The following HYKK variants were observed in gnomAD, a reference collection of about 807,000 sequenced individuals.
The protein encoded by HYKK is hydroxylysine kinase, also known as 5-hydroxy-L-lysine kinase.
Under a neutral mutation model 29.7 loss-of-function variants are expected in HYKK, and 19 were observed. The ratio of observed to expected loss-of-function variants is 0.64; its 90% CI spans 0.45 to 0.94. The LOEUF (loss-of-function observed/expected upper bound fraction) is 0.94. Among genes scored for constraint, HYKK ranks in the 40% least tolerant of loss-of-function variants. The probability of loss-of-function intolerance (pLI) is 0.00; values close to 1 mark genes in which losing one functional copy is unlikely to be tolerated. For synonymous variants in HYKK, 152 were observed against 158.1 expected, an observed-to-expected ratio of 0.96 and a Z score of 0.29; for missense variants, 390 against 443.4, an observed-to-expected ratio of 0.88 and a Z score of 1.08.
chr15:78,519,079 G>C (rs1197445212), intron 3 of HYKK, among the ~76,000 whole-genome samples: 4 of 152,060 alleles, frequency 2.6e-5, no homozygotes, highest in Non-Finnish European at 5.9e-5. Context: ...GAAAAATTAA[G>C]TTACCACTAA....
intron 1 of HYKK, among the ~76,000 whole-genome samples, chr15:78,508,880 C>CAAAAAGAA (rs2052041929): frequency 1.8e-5 from 1 of 55,614 alleles, no homozygotes. Context: ...CCTCTCTCTC[C>CAAAAAGAA]AAAAAAAAAA....
chr15:78,509,780 G>T (rs1390709270), intron 1 of HYKK, among the ~76,000 whole-genome samples: 1 of 152,244 alleles, frequency 6.6e-6, no homozygotes, highest in Non-Finnish European at 1.5e-5. Context: ...CAAGTGCAAA[G>T]ATTGTTTTGA....
chr15:78,510,329 G>A (rs756585650), intron 1 of HYKK, among the ~76,000 whole-genome samples: 14 of 151,770 alleles, frequency 9.2e-5, no homozygotes, highest in African/African-American at 3.4e-4. Flanking sequence ...AATTATAGGC[G>A]CCGGCCACCA....
intron 3 of HYKK, among the ~76,000 whole-genome samples, chr15:78,516,111 G>A (rs1205018224): frequency 2.0e-5 from 3 of 152,060 alleles, no homozygotes; most frequent in Non-Finnish European, 4.4e-5. Flanking sequence ...TGTTAAGGAT[G>A]TTTTTGCCCT....
At chr15:78,529,861 G>A (rs2052293235) in intron 4 of HYKK, among the ~76,000 whole-genome samples, 1 of 151,518 alleles carries the variant, frequency 6.6e-6, no homozygotes, top group Admixed American at 6.6e-5. Flanking sequence ...TTTTTTTGAG[G>A]CAGTCTTGCT....
intron 4 of HYKK, among the ~76,000 whole-genome samples, chr15:78,530,496 T>C (rs1368085944): frequency 1.3e-5 from 2 of 152,238 alleles, no homozygotes; most frequent in Admixed American, 1.3e-4. Flanking sequence ...GAACATACTT[T>C]ATATTAGTGC....
At chr15:78,512,836 T>TA (rs1234286557) in intron 1 of HYKK, among the ~76,000 whole-genome samples, 1 of 152,228 alleles carries the variant, frequency 6.6e-6, no homozygotes, top group Non-Finnish European at 1.5e-5. Flanking sequence ...GGTGCTTTCC[T>TA]AGTCTGTGTT....
intron 3 of HYKK, among the ~76,000 whole-genome samples, chr15:78,521,599 G>A (rs2052197172): frequency 1.3e-5 from 2 of 152,014 alleles, no homozygotes; most frequent in South Asian, 4.2e-4. Flanking sequence ...GGAGTCAAGA[G>A]GATAGAAAAG....
At chr15:78,523,569 AATC>A (rs1214760470) in intron 3 of HYKK, among the ~76,000 whole-genome samples, 1 of 152,150 alleles carries the variant, frequency 6.6e-6, no homozygotes, top group African/African-American at 2.4e-5. Flanking sequence ...TGCAAAATAC[AATC>A]ATCCTTTCTC....
chr15:78,513,663 TG>T (rs1251989764), intron 2 of HYKK, among the ~76,000 whole-genome samples: 1 of 152,228 alleles, frequency 6.6e-6, no homozygotes, highest in Non-Finnish European at 1.5e-5. Context: ...GAGCCCAATG[TG>T]GTATAAGTTT....
rs1446930513 is a variant in HYKK at position 78,520,899 on chromosome 15, G to A, written c.477+5792G>A. ...CCCCCACCTCCCTCCCGGATGGGGC[G>A]GCTGGCCGGGTGGGGGGCTGACCCC... On this transcript the variant is annotated intron_variant, in intron 3 of 4. Transcript: ENST00000388988. Among the ~76,000 whole-genome samples the A allele has an allele frequency of 5.3e-5, 8 of 151,118 alleles. No homozygotes were observed. In the South Asian group the frequency reaches 6.3e-4, roughly 12 times the overall value.
At chr15:78,522,948 A>T (rs1460042662) in intron 3 of HYKK, among the ~76,000 whole-genome samples, 2 of 152,156 alleles carry the variant, frequency 1.3e-5, no homozygotes, top group African/African-American at 4.8e-5. Flanking sequence ...ATCCTCAAAA[A>T]TCTGGAGGAC....
intron 1 of HYKK, among the ~76,000 whole-genome samples, chr15:78,511,869 A>G (rs1000965250): frequency 2.0e-5 from 3 of 152,168 alleles, no homozygotes; most frequent in Non-Finnish European, 2.9e-5. Flanking sequence ...CCCCATCTCT[A>G]TCTTTAAAGA....
At chr15:78,518,646 A>T (rs2052160068) in intron 3 of HYKK, 1 of 453,850 alleles carries the variant, frequency 2.2e-6, no homozygotes, top group African/African-American at 2.0e-5. Flanking sequence ...GGCCGGGCGC[A>T]GTAGCTTACG....
chr15:78,513,897 TC>T lies in HYKK; in HGVS notation c.337+474del, dbSNP rs565850883. On this transcript the variant is annotated intron_variant, in intron 2 of 4. Transcript: ENST00000388988. ...GCCTTGACCTCCTGGGCTCAGGTGA[TC>T]CTCCCACTTCAGCCTGCTGAGTAGC... 5.2e-4 allele frequency among the ~76,000 whole-genome samples: 79 copies of T among 152,228 alleles called. 1 individual carries two copies. The highest frequency in any genetic ancestry group is 1.8e-3 in the African/African-American group (76 of 41,522).
At chr15:78,537,341 T>G (rs1216426539), downstream of HYKK, 2 of 653,382 alleles carry the variant, frequency 3.1e-6, no homozygotes, top group Non-Finnish European at 5.7e-6. Context: ...CCAGTAAAGA[T>G]CTGTTGAATA....
chr15:78,515,750 G>A (rs1433559805), intron 3 of HYKK, among the ~76,000 whole-genome samples: 1 of 151,952 alleles, frequency 6.6e-6, no homozygotes, highest in Non-Finnish European at 1.5e-5. Context: ...CACCACGCCC[G>A]GCTAATTTTT....
intron 3 of HYKK, among the ~76,000 whole-genome samples, chr15:78,521,347 G>C (rs2052194303): frequency 1.3e-5 from 2 of 152,090 alleles, no homozygotes; most frequent in South Asian, 4.1e-4. Flanking sequence ...ACAGGCTTAT[G>C]AGTATGATTG....
intron 1 of HYKK, among the ~76,000 whole-genome samples, chr15:78,510,772 C>T (rs911473407): frequency 6.6e-6 from 1 of 152,096 alleles, no homozygotes; most frequent in Admixed American, 6.6e-5. Context: ...ATTTTACATT[C>T]AGTGATATTC....
Sources: allele counts gnomAD v4.1 joint callset (sites outside exome capture counted in the v4.1 genomes callset), GRCh38; gene constraint gnomAD v4.1.1; transcripts MANE v1.5; gene names NCBI Gene and HGNC (gene_info 2026-07-23, HGNC 2026-07-21).